The following MBNL2 variants were observed in gnomAD, a reference collection of about 807,000 sequenced individuals.
The protein encoded by MBNL2 is muscleblind like splicing regulator 2.
MBNL2 carries 17 observed loss-of-function variants against 41.9 expected under a neutral mutation model. That is an observed-to-expected ratio of 0.41 (90% CI 0.28 to 0.61). The LOEUF is 0.61. Among genes scored for constraint, MBNL2 ranks in the 20% least tolerant of loss-of-function variants. The probability of loss-of-function intolerance (pLI) is 0.35; values close to 1 mark genes in which losing one functional copy is unlikely to be tolerated. For synonymous variants in MBNL2, 195 were observed against 182.9 expected (o/e 1.07, Z -0.53); for missense variants, 336 against 505.6 (o/e 0.66, Z 3.22).
intron 1 of MBNL2, among the ~76,000 whole-genome samples, chr13:97,258,210 G>T (rs1157582042): frequency 6.8e-6 from 1 of 146,340 alleles, no homozygotes; most frequent in Non-Finnish European, 1.5e-5. Context: ...TGTTGCCAGG[G>T]TTTTTTTTTT....
At chr13:97,291,895 C>T (rs1351245604) in intron 2 of MBNL2, among the ~76,000 whole-genome samples, 7 of 4,572 alleles carry the variant, frequency 1.5e-3, no homozygotes, top group Non-Finnish European at 2.2e-3. Context: ...ACTCCGTCTC[C>T]GTCTCAAAAA....
the MBNL2 span, among the ~76,000 whole-genome samples, chr13:97,207,107 A>G: frequency 6.6e-6 from 1 of 152,122 alleles, no homozygotes; most frequent in Non-Finnish European, 1.5e-5. Context: ...AGCTCAACTC[A>G]TTATACAGCT....
chr13:97,243,710 T>C (rs2152818277), intron 1 of MBNL2, among the ~76,000 whole-genome samples: 1 of 152,352 alleles, frequency 6.6e-6, no homozygotes, highest in African/African-American at 2.4e-5. Context: ...CTTTTCTCTT[T>C]TTCTTCTCTC....
chr13:97,373,988 C>G (rs957322401), intron 8 of MBNL2, among the ~76,000 whole-genome samples: 2 of 148,512 alleles, frequency 1.3e-5, no homozygotes, highest in African/African-American at 4.9e-5. Context: ...GAGAAAATGT[C>G]AAGAGTCCTT....
chr13:97,319,070 C>T (rs898128937), intron 2 of MBNL2, among the ~76,000 whole-genome samples: 1 of 152,092 alleles, frequency 6.6e-6, no homozygotes, highest in Admixed American at 6.5e-5. Context: ...GACACAGGAC[C>T]CCAGCCTACA....
chr13:97,335,601 T>A (rs1357900281), intron 3 of MBNL2, among the ~76,000 whole-genome samples: 1 of 152,066 alleles, frequency 6.6e-6, no homozygotes. Flanking sequence ...AAATGCCAGG[T>A]GCAGAGGGCT....
intron 1 of MBNL2, among the ~76,000 whole-genome samples, chr13:97,258,002 G>A (rs1020491328): frequency 5.9e-5 from 9 of 152,216 alleles, no homozygotes; most frequent in East Asian, 1.9e-4. Flanking sequence ...GACAACTGGT[G>A]ACGGCAGGGA....
chr13:97,345,764 A>T (rs1385528971), intron 4 of MBNL2, among the ~76,000 whole-genome samples: 3 of 35,818 alleles, frequency 8.4e-5, no homozygotes, highest in African/African-American at 2.1e-4. Context: ...ACCCCACCCC[A>T]CCCCACCCCC....
upstream of MBNL2, among the ~76,000 whole-genome samples, chr13:97,217,202 T>C (rs1223394799): frequency 3.3e-5 from 5 of 151,746 alleles, no homozygotes; most frequent in East Asian, 9.7e-4. Flanking sequence ...TACCAATTTT[T>C]TTACTTAAGC....
intron 7 of MBNL2, among the ~76,000 whole-genome samples, chr13:97,359,272 TA>T (rs113380350): frequency 0.01 from 1,401 of 138,454 alleles, 10 homozygotes; most frequent in African/African-American, 0.03. Flanking sequence ...TATTTTAAGA[TA>T]AAAAAAAAAA....
intron 3 of MBNL2, among the ~76,000 whole-genome samples, chr13:97,340,912 G>C (rs892246775): frequency 6.6e-6 from 1 of 152,106 alleles, no homozygotes; most frequent in Non-Finnish European, 1.5e-5. Context: ...AATGAGTTTT[G>C]AGGTTCTCAA....
intron 7 of MBNL2, among the ~76,000 whole-genome samples, chr13:97,359,566 G>A (rs908283314): frequency 6.6e-6 from 1 of 152,158 alleles, no homozygotes; most frequent in Non-Finnish European, 1.5e-5. Context: ...CATCCCTTAC[G>A]CAACGACCTG....
intron 2 of MBNL2, among the ~76,000 whole-genome samples, chr13:97,280,714 C>G (rs576548177): frequency 6.6e-6 from 1 of 152,334 alleles, no homozygotes; most frequent in South Asian, 2.1e-4. Flanking sequence ...ACTCCAGCCA[C>G]GCATCTTTGC....
intron 1 of MBNL2, among the ~76,000 whole-genome samples, chr13:97,264,667 G>A (rs1274446568): frequency 6.6e-6 from 1 of 152,184 alleles, no homozygotes; most frequent in Non-Finnish European, 1.5e-5. Context: ...AATAAAAGTT[G>A]TGTTACAAAC....
intron 1 of MBNL2, among the ~76,000 whole-genome samples, chr13:97,239,310 C>G (rs1171850867): frequency 6.6e-6 from 1 of 152,132 alleles, no homozygotes; most frequent in Non-Finnish European, 1.5e-5. Flanking sequence ...TTAATGTCTC[C>G]TTATAGTAAT....
intron 8 of MBNL2, among the ~76,000 whole-genome samples, chr13:97,367,757 G>A (rs2063979667): frequency 6.6e-6 from 1 of 152,152 alleles, no homozygotes; most frequent in African/African-American, 2.4e-5. Context: ...CCGAACAGCA[G>A]TGCAGAGGCA....
intron 7 of MBNL2, chr13:97,363,025 T>C (rs1406245728): frequency 1.3e-5 from 2 of 152,280 alleles, no homozygotes; most frequent in Non-Finnish European, 2.9e-5. Flanking sequence ...CCCATCCAAG[T>C]ACTAACCAGG....
chr13:97,247,837 C>T (rs1162494149), intron 1 of MBNL2, among the ~76,000 whole-genome samples: 2 of 152,090 alleles, frequency 1.3e-5, no homozygotes, highest in African/African-American at 2.4e-5. Context: ...GAATTTTACC[C>T]CAAAATATAG....
At chr13:97,349,072 AGTCCTTTTCTTGTCCCTTTAGT>A (rs1271294449) in intron 5 of MBNL2, among the ~76,000 whole-genome samples, 1 of 152,142 alleles carries the variant, frequency 6.6e-6, no homozygotes, top group Non-Finnish European at 1.5e-5. Context: ...TTAATCTCTG[AGTCCTTTTCTTGTCCCTTTAGT>A]GTCCTTTCCT....
Sources: gnomAD v4.1 joint callset for allele counts (sites outside exome capture counted in the v4.1 genomes callset) on GRCh38, gnomAD v4.1.1 for gene constraint, MANE v1.5 for transcripts, NCBI Gene and HGNC (gene_info 2026-07-23, HGNC 2026-07-21) for gene names.